Variants in CLN3 observed in about 807,000 individuals in gnomAD.
The protein encoded by CLN3 is battenin.
A neutral mutation model predicts 60.7 loss-of-function variants in CLN3; 49 were observed. The observed-to-expected ratio is 0.81, with a 90% CI of 0.64 to 1.02. The LOEUF is 1.02. CLN3 is among the 50% of genes least tolerant of loss of function. The pLI is 0.00. For missense variants in CLN3, 516 were observed against 557.4 expected (o/e 0.93, Z 0.75); for synonymous variants, 256 against 245.8 (o/e 1.04, Z -0.39).
At chr16:28,471,991 C>G (rs879651568), downstream of CLN3, among the ~76,000 whole-genome samples, 133 of 152,168 alleles carry the variant, frequency 8.7e-4, no homozygotes, top group Non-Finnish European at 8.1e-4. Flanking sequence ...GATAGTGCCA[C>G]TGCACTCCAG....
chr16:28,485,285 G>C (rs984124438), intron 9 of CLN3, among the ~76,000 whole-genome samples: 5 of 150,588 alleles, frequency 3.3e-5, no homozygotes, highest in Non-Finnish European at 5.9e-5. Flanking sequence ...GAACTAATCA[G>C]GCCGGGCGCG....
Position 28,482,383 on chromosome 16 carries a change from C to T in CLN3, c.907-1G>A. ...TGTTCCAGAAAAAGAGGAGTTCAAA[C>T]TGCAACAAATACCAGACAGGGGAGA... On this transcript the variant is annotated splice_acceptor_variant, in intron 12 of 15. Transcript: ENST00000636147. LOFTEE classifies it high-confidence loss of function. 6.2e-7 allele frequency: 1 copy of T among 1,614,042 alleles called. No individual in the cohort carries two copies. The highest frequency in any genetic ancestry group is 8.5e-7 in the Non-Finnish European group (1 of 1,180,040).
rs142290583 is a variant in CLN3, at chr16:28,487,421, G to A, written c.460+35C>T. 3.0e-5 allele frequency: 46 copies of A among 1,549,094 alleles called. No individual in the cohort carries two copies. The East Asian group carries it at 4.3e-4, about 14-fold the overall frequency. On this transcript the variant is annotated intron_variant, in intron 7 of 15. Coordinates refer to ENST00000636147, the MANE Select transcript of CLN3 (RefSeq NM_001042432.2). ...CACAAATGCTCTGATGTGGTTCCTC[G>A]GGGCTCCCCATCTGACACAGAACCA...
downstream of CLN3, among the ~76,000 whole-genome samples, chr16:28,473,900 G>C (rs1596616762): frequency 6.6e-6 from 1 of 151,208 alleles, no homozygotes. Flanking sequence ...ACCACAGTGA[G>C]ATACCACTTC....
chr16:28,484,625 C>T (rs2046173170), intron 9 of CLN3: 2 of 195,772 alleles, frequency 1.0e-5, no homozygotes, highest in Non-Finnish European at 2.1e-5. Context: ...ACTGGGATTA[C>T]AGCTGTGAGC....
At chr16:28,483,021 T>C in intron 10 of CLN3, among the ~76,000 whole-genome samples, 1 of 151,644 alleles carries the variant, frequency 6.6e-6, no homozygotes, top group Non-Finnish European at 1.5e-5. Context: ...GGAGAATCAC[T>C]TGAACCCAGG....
At chr16:28,488,989 C>A (rs547226510) in intron 4 of CLN3, among the ~76,000 whole-genome samples, 4 of 152,302 alleles carry the variant, frequency 2.6e-5, no homozygotes, top group African/African-American at 9.6e-5. Context: ...GCAACTTCCA[C>A]CTCCTGGCTT....
At chr16:28,481,986 CAA>C (rs371817940) in intron 14 of CLN3, 117 bp downstream of exon 14, 4,151 of 548,894 alleles carry the variant, frequency 7.6e-3, no homozygotes, top group Middle Eastern at 9.0e-3. Flanking sequence ...GACTCTGTCT[CAA>C]AAAAAAAAAA....
intron 3 of CLN3, chr16:28,490,392 C>T (rs1053558911): frequency 7.3e-5 from 11 of 149,734 alleles, no homozygotes; most frequent in East Asian, 2.0e-4. Flanking sequence ...TTCAGTGAGC[C>T]GAGATTGTGC....
chr16:28,472,150 C>T (rs557201285), downstream of CLN3, among the ~76,000 whole-genome samples: 150 of 152,318 alleles, frequency 9.8e-4, no homozygotes, highest in African/African-American at 3.4e-3. Flanking sequence ...CAGTGGCCCA[C>T]GCCTGTAATC....
intron 8 of CLN3, 33 bp downstream of exon 8, chr16:28,486,545 C>A: frequency 6.2e-7 from 1 of 1,607,526 alleles, no homozygotes; most frequent in South Asian, 1.1e-5. Context: ...CATGGGACAG[C>A]CTCTCCCCAC....
Position 28,486,420 on chromosome 16 carries a change from G to C in CLN3, c.604C>G (p.Leu202Val). ...TGAGGGGAGAGGCCGGCCTGGGTGA[G>C]GCCCAGGTAGGACAGGGCCCCCAGC... The part of the protein sequence containing the change: ...GLLGALSYLG[L>V]TQAGLSPQQT... The change falls in exon 9 of 16, where the codon CTC becomes GTC. Residue 202 changes from leucine (L) to valine (V), a missense_variant. Leu to Val is a conservative substitution (Grantham distance 32). Transcript: ENST00000636147. 6.2e-7 allele frequency: 1 copy of C among 1,613,480 alleles called. No homozygotes were observed. The highest frequency in any genetic ancestry group is 8.5e-7 in the Non-Finnish European group (1 of 1,179,936).
chr16:28,487,368 T>C (rs1596562608), intron 7 of CLN3, 88 bp downstream of exon 7: 2 of 1,090,186 alleles, frequency 1.8e-6, no homozygotes, highest in Non-Finnish European at 2.8e-6. Context: ...TGAATCCCTT[T>C]CCTCTGGGAG....
chr16:28,472,940 C>T (rs1011211139), downstream of CLN3, among the ~76,000 whole-genome samples: 1 of 150,498 alleles, frequency 6.6e-6, no homozygotes, highest in African/African-American at 2.4e-5. Context: ...CCCCGCCCCT[C>T]TTTGTTTGTT....
At chr16:28,481,396 C>A (rs922159762) in intron 14 of CLN3, among the ~76,000 whole-genome samples, 1 of 150,046 alleles carries the variant, frequency 6.7e-6, no homozygotes, top group Non-Finnish European at 1.5e-5. Context: ...CCACCTGGCC[C>A]GGCCCAATCC....
chr16:28,489,444 T>C lies in CLN3; in HGVS notation c.126-58A>G, dbSNP rs2046277520. ...CTCATCCTGCAGCCATCTGTAGCCTTTGTGCCAAACCTTCCCTTACCTGTG... is the reference window on the plus strand; with the variant it reads ...CTCATCCTGCAGCCATCTGTAGCCTCTGTGCCAAACCTTCCCTTACCTGTG... On this transcript the variant is annotated intron_variant, in intron 3 of 15. Transcript: ENST00000636147. The C allele has an allele frequency of 6.9e-6, 9 of 1,300,302 alleles. No homozygotes were observed. In the South Asian group the frequency reaches 1.1e-4, roughly 16 times the overall value. The allele number at this position is 1,300,302 out of a possible 1,614,324, so 80.5% of individuals were successfully genotyped here.
downstream of CLN3, among the ~76,000 whole-genome samples, chr16:28,472,800 CAAAAAAAAAAAAA>C (rs34795595): frequency 1.2e-5 from 1 of 85,042 alleles, no homozygotes. Flanking sequence ...AACTCTGTTT[CAAAAAAAAAAAAA>C]AAAAAAAAGG....
chr16:28,472,016 C>T (rs1250363705), downstream of CLN3, among the ~76,000 whole-genome samples: 10 of 151,888 alleles, frequency 6.6e-5, no homozygotes, highest in Non-Finnish European at 1.3e-4. Context: ...AGCAACAGAG[C>T]GAGACTCCGT....
chr16:28,483,704 C>CTTTCT (rs2046146261), intron 10 of CLN3, among the ~76,000 whole-genome samples: 1 of 139,028 alleles, frequency 7.2e-6, no homozygotes, highest in Non-Finnish European at 1.5e-5. Context: ...CCCTTCCTTC[C>CTTTCT]TTTCTTTTCT....
Sources: gnomAD v4.1 joint callset for allele counts (sites outside exome capture counted in the v4.1 genomes callset) on GRCh38, gnomAD v4.1.1 for gene constraint, MANE v1.5 for transcripts, NCBI Gene and HGNC (gene_info 2026-07-23, HGNC 2026-07-21) for gene names.